Variants in CDKN2B-AS1 observed in about 807,000 individuals in gnomAD.
CDKN2B-AS1 encodes the protein CDKN2B and CDKN2A antisense cis and trans regulatory RNA 1.
At chr9:22,073,797 G>A (rs1333842776) in intron 4 of CDKN2B-AS1, among the ~76,000 whole-genome samples, 1 of 151,732 alleles carries the variant, frequency 6.6e-6, no homozygotes, top group East Asian at 1.9e-4. Context: ...TTGAGAGTTG[G>A]TTGAAATAAG....
intron 4 of CDKN2B-AS1, among the ~76,000 whole-genome samples, chr9:22,105,099 G>C (rs1042568079): frequency 6.6e-6 from 1 of 152,174 alleles, no homozygotes; most frequent in Non-Finnish European, 1.5e-5. Context: ...AAAGATGATT[G>C]AAACTGCAAC....
At chr9:22,031,971 C>G (rs531454592) in intron 1 of CDKN2B-AS1, among the ~76,000 whole-genome samples, 1 of 152,300 alleles carries the variant, frequency 6.6e-6, no homozygotes, top group South Asian at 2.1e-4. Flanking sequence ...AGTTCAATAT[C>G]CCTCAAAGAA....
intron 4 of CDKN2B-AS1, among the ~76,000 whole-genome samples, chr9:22,107,706 G>A (rs1825697825): frequency 1.3e-5 from 2 of 152,178 alleles, no homozygotes; most frequent in African/African-American, 4.8e-5. Flanking sequence ...GTCTTGTAGA[G>A]AATGACTGAC....
At chr9:22,074,183 T>A (rs1288118192) in intron 4 of CDKN2B-AS1, among the ~76,000 whole-genome samples, 4 of 152,142 alleles carry the variant, frequency 2.6e-5, no homozygotes, top group Non-Finnish European at 4.4e-5. Flanking sequence ...TTCAATAAAA[T>A]TTGAGGTCCT....
chr9:22,067,463 TA>T (rs777929184), intron 4 of CDKN2B-AS1, among the ~76,000 whole-genome samples: 9 of 152,118 alleles, frequency 5.9e-5, no homozygotes, highest in Non-Finnish European at 7.3e-5. Flanking sequence ...CTTCCTCACC[TA>T]ACTTAGCACC....
At chr9:22,043,492 A>G (rs1822985322) in intron 1 of CDKN2B-AS1, among the ~76,000 whole-genome samples, 1 of 151,984 alleles carries the variant, frequency 6.6e-6, no homozygotes. Flanking sequence ...ACATATTAAT[A>G]TACTTGCCTA....
At chr9:22,124,457 C>G (rs551683548) in intron 4 of CDKN2B-AS1, among the ~76,000 whole-genome samples, 1 of 152,258 alleles carries the variant, frequency 6.6e-6, no homozygotes, top group Admixed American at 6.5e-5. Context: ...TGGGACAAGT[C>G]AGGGTGTGGT....
intron 3 of CDKN2B-AS1, among the ~76,000 whole-genome samples, chr9:22,054,682 AT>A (rs1335756785): frequency 6.7e-6 from 1 of 149,398 alleles, no homozygotes; most frequent in Non-Finnish European, 1.5e-5. Flanking sequence ...TTTTATTTTT[AT>A]TTTTTTATTT....
chr9:22,069,120 T>C (rs1824182985), intron 4 of CDKN2B-AS1, among the ~76,000 whole-genome samples: 1 of 152,152 alleles, frequency 6.6e-6, no homozygotes, highest in African/African-American at 2.4e-5. Context: ...ACTTTTCCTG[T>C]GTGAAAATAA....
chr9:22,066,152 A>G (rs1345459163), intron 4 of CDKN2B-AS1: 1 of 152,174 alleles, frequency 6.6e-6, no homozygotes, highest in Non-Finnish European at 1.5e-5. Flanking sequence ...TAGAGTGAGG[A>G]CAATGTGGGT....
At chr9:22,066,510 A>T (rs1824048099) in intron 4 of CDKN2B-AS1, among the ~76,000 whole-genome samples, 1 of 151,912 alleles carries the variant, frequency 6.6e-6, no homozygotes, top group South Asian at 2.1e-4. Context: ...CTCTTGTTCA[A>T]ATTACATTTT....
chr9:22,126,454 G>C (rs113636203), intron 4 of CDKN2B-AS1, among the ~76,000 whole-genome samples: 4 of 152,040 alleles, frequency 2.6e-5, no homozygotes, highest in African/African-American at 9.7e-5. Flanking sequence ...AATATACAAG[G>C]GGAAATGCAT....
At chr9:22,003,894 A>T in intron 1 of CDKN2B-AS1, 1 of 232,492 alleles carries the variant, frequency 4.3e-6, no homozygotes, top group Non-Finnish European at 8.5e-6. Flanking sequence ...TTTTAAAAAA[A>T]GTTATCTTCA....
intron 1 of CDKN2B-AS1, among the ~76,000 whole-genome samples, chr9:22,032,219 T>A (rs1466509201): frequency 6.6e-6 from 1 of 152,178 alleles, no homozygotes; most frequent in Non-Finnish European, 1.5e-5. Flanking sequence ...CAGAAGTGAT[T>A]CAGTGGAGGT....
chr9:22,046,833 GAT>G (rs2131273949), exon 2 of CDKN2B-AS1: 1 of 152,238 alleles, frequency 6.6e-6, no homozygotes, highest in South Asian at 2.1e-4. Context: ...CTGGCCACCA[GAT>G]ATATGTTATC....
chr9:22,015,710 C>T (rs926794857), intron 1 of CDKN2B-AS1, among the ~76,000 whole-genome samples: 1 of 152,052 alleles, frequency 6.6e-6, no homozygotes, highest in Admixed American at 6.6e-5. Context: ...CATATGTATT[C>T]ATGTGCCATG....
chr9:22,086,264 C>T (rs1192688945), intron 4 of CDKN2B-AS1, among the ~76,000 whole-genome samples: 1 of 152,154 alleles, frequency 6.6e-6, no homozygotes, highest in East Asian at 1.9e-4. Flanking sequence ...CAGTTCAGAT[C>T]CTACTCAGCC....
At chr9:22,060,522 C>G (rs1823770940) in intron 4 of CDKN2B-AS1, among the ~76,000 whole-genome samples, 1 of 152,222 alleles carries the variant, frequency 6.6e-6, no homozygotes, top group African/African-American at 2.4e-5. Flanking sequence ...AAATTCTAAG[C>G]ATTCCCACAT....
rs76108964 is a variant in CDKN2B-AS1 at position 22,098,285 on chromosome 9, T to G, written n.439-28818T>G. ...ATGTATTTATAGTAAATATATCACA[T>G]GTATTTATATATAGTAAAAAAGAGG... On this transcript the variant is annotated intron_variant and non_coding_transcript_variant, in intron 4 of 4. Coordinates refer to ENST00000650946, the Ensembl canonical transcript of CDKN2B-AS1. 8.0e-3 allele frequency among the ~76,000 whole-genome samples: 1,218 copies of G among 151,650 alleles called. 18 individuals carry two copies. Among genetic ancestry groups the G allele is most frequent in the African/African-American group, 0.028 (1,143 of 41,410 alleles).
Sources: allele counts gnomAD v4.1 joint callset (sites outside exome capture counted in the v4.1 genomes callset), GRCh38; gene constraint gnomAD v4.1.1; transcripts MANE v1.5; gene names NCBI Gene and HGNC (gene_info 2026-07-23, HGNC 2026-07-21).